The following ANGPT1 variants were observed in gnomAD, a reference collection of about 807,000 sequenced individuals.
ANGPT1 encodes angiopoietin-1.
A neutral mutation model predicts 62.2 loss-of-function variants in ANGPT1; 17 were observed. The observed-to-expected ratio is 0.27, with a 90% CI of 0.19 to 0.41. The LOEUF (loss-of-function observed/expected upper bound fraction) is 0.41, where lower values mean the gene tolerates loss of function less well. Ranked by LOEUF, ANGPT1 falls within the 10% of genes least tolerant of loss-of-function variation. The probability of loss-of-function intolerance (pLI) is 1.00; values close to 1 mark genes in which losing one functional copy is unlikely to be tolerated. For missense variants in ANGPT1, 478 were observed against 594.9 expected (o/e 0.80, Z 2.04); for synonymous variants, 199 against 198.9 (o/e 1.00, Z 0.00).
chr8:107,263,680 G>C (rs1241701546), intron 8 of ANGPT1, among the ~76,000 whole-genome samples: 1 of 152,088 alleles, frequency 6.6e-6, no homozygotes, highest in Non-Finnish European at 1.5e-5. Flanking sequence ...TCTATGATAT[G>C]ATACTATTTA....
intron 1 of ANGPT1, among the ~76,000 whole-genome samples, chr8:107,488,416 G>T (rs557129498): frequency 6.6e-6 from 1 of 152,100 alleles, no homozygotes; most frequent in Non-Finnish European, 1.5e-5. Context: ...CAAGGGAAGA[G>T]GGTTTAGAAG....
chr8:107,336,538 G>A (rs940645037), intron 2 of ANGPT1: 2 of 277,254 alleles, frequency 7.2e-6, no homozygotes, highest in South Asian at 4.6e-5. Flanking sequence ...GGTAGCGGGC[G>A]CCTGTAGTCC....
At chr8:107,276,482 GA>G (rs919142203) in intron 7 of ANGPT1, among the ~76,000 whole-genome samples, 8 of 148,492 alleles carry the variant, frequency 5.4e-5, no homozygotes, top group East Asian at 3.9e-4. Flanking sequence ...TTCACTGAAA[GA>G]AAAAAAAAAT....
intron 1 of ANGPT1, among the ~76,000 whole-genome samples, chr8:107,354,450 G>A (rs796437501): frequency 1.6e-4 from 24 of 152,148 alleles, no homozygotes; most frequent in African/African-American, 5.8e-4. Flanking sequence ...ATGAAATAAA[G>A]GGCTGGATTC....
In ANGPT1 at chr8:107,291,538, A is replaced by G. The variant is rs372218397; in HGVS notation, c.1038+2398T>C. Among the ~76,000 whole-genome samples the G allele has an allele frequency of 7.9e-5, 12 of 151,944 alleles. No individual in the cohort carries two copies. In the East Asian group the frequency reaches 2.3e-3, roughly 30 times the overall value. The stretch of plus-strand genomic sequence containing the variant: ...GCGATTCCCCTGCCTCAGCCTCCCA[A>G]GTAGCTGGGATTACAGGCACGTGCC... On this transcript the variant is annotated intron_variant, in intron 6 of 8. Transcript: ENST00000517746.
chr8:107,481,025 T>C (rs145948437), intron 1 of ANGPT1, among the ~76,000 whole-genome samples: 83 of 152,260 alleles, frequency 5.5e-4, no homozygotes, highest in Non-Finnish European at 2.9e-4. Flanking sequence ...AACATCTGCT[T>C]ATTATGAGAG....
intron 1 of ANGPT1, among the ~76,000 whole-genome samples, chr8:107,423,827 C>CTTTTTTTTTTT (rs869079818): frequency 5.1e-4 from 38 of 74,472 alleles, no homozygotes; most frequent in South Asian, 1.3e-3. Flanking sequence ...CTTTTCCTTT[C>CTTTTTTTTTTT]TTTTTTTTTT....
At chr8:107,428,836 A>G (rs900630158) in intron 1 of ANGPT1, among the ~76,000 whole-genome samples, 2 of 152,180 alleles carry the variant, frequency 1.3e-5, no homozygotes, top group African/African-American at 4.8e-5. Context: ...CAATCCACCC[A>G]AAGGTATTAT....
intron 4 of ANGPT1, among the ~76,000 whole-genome samples, chr8:107,318,342 T>G (rs1356997272): frequency 6.6e-6 from 1 of 152,194 alleles, no homozygotes; most frequent in Admixed American, 6.5e-5. Context: ...CTTAAAAGTA[T>G]CTCACAACAT....
chr8:107,272,890 A>T (rs778968017), intron 7 of ANGPT1, among the ~76,000 whole-genome samples: 2 of 10,906 alleles, frequency 1.8e-4, no homozygotes, highest in East Asian at 8.8e-4. Flanking sequence ...AAGAATACAT[A>T]AAAAAAAAAA....
intron 7 of ANGPT1, among the ~76,000 whole-genome samples, chr8:107,273,555 T>C (rs563756621): frequency 6.6e-6 from 1 of 152,088 alleles, no homozygotes; most frequent in South Asian, 2.1e-4. Context: ...AAATACTTGC[T>C]GTCCTCTAAA....
Position 107,434,468 on chromosome 8 carries a change from C to T in ANGPT1, c.297+62794G>A, listed in dbSNP as rs138914820. Among the ~76,000 whole-genome samples, 313 of 152,070 alleles carry T rather than the reference C, an allele frequency of 2.1e-3. 7 individuals are homozygous for T. The highest frequency in any genetic ancestry group is 8.1e-4 in the Non-Finnish European group (55 of 67,996). On this transcript the variant is annotated intron_variant, in intron 1 of 8. Transcript: ENST00000517746. ...GATAATGCCAGAGTGATGGGGTCAA[C>T]GAAATCGTGTATTGACCTATTCAGA... is the stretch of plus-strand genomic sequence containing the variant.
chr8:107,452,359 T>C (rs1811799554), intron 1 of ANGPT1, among the ~76,000 whole-genome samples: 2 of 151,792 alleles, frequency 1.3e-5, no homozygotes. Flanking sequence ...GGATCCCAGT[T>C]TCATATTATT....
chr8:107,298,500 T>C (rs1241956226), intron 5 of ANGPT1, among the ~76,000 whole-genome samples: 8 of 151,672 alleles, frequency 5.3e-5, no homozygotes, highest in Non-Finnish European at 1.2e-4. Flanking sequence ...AAGCCATTAA[T>C]AACATAAAAG....
Position 107,384,450 on chromosome 8 carries a change from C to CA in ANGPT1, c.298-37354dup, listed in dbSNP as rs5893856. Among the ~76,000 whole-genome samples, 1,325 of 150,754 alleles carry CA rather than the reference C, an allele frequency of 8.8e-3. 7 individuals are homozygous for CA. The highest frequency in any genetic ancestry group is 0.036 in the South Asian group (173 of 4,786). ...GTATATGTATTATCTGTGTTAATTA[C>CA]AAAAAAAAAATAGACTTTGCTATAT... On this transcript the variant is annotated intron_variant, in intron 1 of 8. Coordinates refer to ENST00000517746, the MANE Select transcript of ANGPT1 (RefSeq NM_001146.5).
intron 1 of ANGPT1, among the ~76,000 whole-genome samples, chr8:107,394,119 T>C (rs1463385164): frequency 6.6e-6 from 1 of 152,120 alleles, no homozygotes; most frequent in Non-Finnish European, 1.5e-5. Context: ...GATACCGGTA[T>C]TTTCCTAAAG....
chr8:107,472,308 C>T (rs1586351219), intron 1 of ANGPT1, among the ~76,000 whole-genome samples: 1 of 151,976 alleles, frequency 6.6e-6, no homozygotes, highest in Non-Finnish European at 1.5e-5. Context: ...TTCTGTCTTC[C>T]ATTACAGTGC....
chr8:107,446,849 A>C (rs1811636888), intron 1 of ANGPT1, among the ~76,000 whole-genome samples: 2 of 152,188 alleles, frequency 1.3e-5, no homozygotes, highest in Non-Finnish European at 2.9e-5. Flanking sequence ...TTCCAGACTC[A>C]ACAATTGTAT....
intron 1 of ANGPT1, among the ~76,000 whole-genome samples, chr8:107,470,940 T>C (rs923539612): frequency 1.3e-5 from 2 of 152,158 alleles, no homozygotes; most frequent in African/African-American, 4.8e-5. Flanking sequence ...ACTTTTACAC[T>C]GTTGGTGGGA....
Sources: allele counts gnomAD v4.1 joint callset (sites outside exome capture counted in the v4.1 genomes callset), GRCh38; gene constraint gnomAD v4.1.1; transcripts MANE v1.5; gene names NCBI Gene and HGNC (gene_info 2026-07-23, HGNC 2026-07-21).